MTPAP: variants seen among roughly 807,000 people sequenced by gnomAD.
MTPAP encodes the protein mitochondrial poly(A) polymerase.
In MTPAP, 23 loss-of-function variants were observed where a neutral mutation model predicts 48.7. The ratio of observed to expected loss-of-function variants is 0.47; its 90% CI spans 0.34 to 0.67. The LOEUF (loss-of-function observed/expected upper bound fraction) is 0.67. MTPAP is among the 30% of genes least tolerant of loss of function. The pLI is 0.01. For synonymous variants in MTPAP, 257 were observed against 254.1 expected, an observed-to-expected ratio of 1.01 and a Z score of -0.11; for missense variants, 614 against 694.3, an observed-to-expected ratio of 0.88 and a Z score of 1.30.
In MTPAP at chr10:30,313,640, C is replaced by G. The variant is rs771523018; in HGVS notation, c.1718G>C (p.Ser573Thr). The change falls in exon 9 of 9, where the codon AGT (serine) becomes ACT (threonine). Residue 573 changes from serine to threonine, a missense_variant. Coordinates refer to ENST00000263063, the MANE Select transcript of MTPAP (RefSeq NM_018109.4). ...GNRTENFTKTSGKRTISTQT is the reference protein window; with the variant it reads ...GNRTENFTKTTGKRTISTQT ...CTGAGTACTAATTGTTCTCTTCCCA[C>G]TGGTTTTTGTGAAATTTTCTGTTCT... The G allele has an allele frequency of 6.2e-7, 1 of 1,614,202 alleles. No homozygotes were observed. Among genetic ancestry groups the G allele is most frequent in the South Asian group, 1.1e-5 (1 of 91,086 alleles).
intron 8 of MTPAP, among the ~76,000 whole-genome samples, chr10:30,315,755 A>G (rs1209572566): frequency 6.6e-6 from 1 of 152,206 alleles, no homozygotes; most frequent in East Asian, 1.9e-4. Flanking sequence ...GGCAGATGCT[A>G]AAGAGCTGGC....
chr10:30,319,610 G>A (rs1459883789), intron 6 of MTPAP, among the ~76,000 whole-genome samples: 1 of 151,658 alleles, frequency 6.6e-6, no homozygotes, highest in Non-Finnish European at 1.5e-5. Flanking sequence ...GGATTTTGGA[G>A]GGAAAAAAAA....
rs1318771501 is a variant in MTPAP, at chr10:30,311,588, CA to C, written c.*2020del. On this transcript the variant is annotated 3_prime_UTR_variant, in exon 9 of 9. Coordinates refer to ENST00000263063, the MANE Select transcript of MTPAP (RefSeq NM_018109.4). ...TGATCTGATCATGATCCCCATTTTA[CA>C]GATCAAACAGGGGCCCCAAGAGACT... The C allele has an allele frequency of 6.6e-6, 1 of 152,206 alleles. No individual in the cohort carries two copies. The highest frequency in any genetic ancestry group is 1.5e-5 in the Non-Finnish European group (1 of 68,042). 9.4% of individuals were successfully genotyped at this position (152,206 alleles called of 1,614,324 possible).
intron 6 of MTPAP, 31 bp from the exon 7 acceptor site, chr10:30,316,241 T>A: frequency 1.1e-6 from 1 of 911,226 alleles, no homozygotes; most frequent in Non-Finnish European, 1.6e-6. Flanking sequence ...ATTTCACGTG[T>A]TTTTTTTTTT....
At chr10:30,320,302 AG>A (rs112019476) in intron 6 of MTPAP, among the ~76,000 whole-genome samples, 17,093 of 149,712 alleles carry the variant, frequency 0.11, 1,776 homozygotes, top group East Asian at 0.53. Context: ...ACAAGATGGG[AG>A]GATCCCCTGA....
chr10:30,332,447 C>A (rs1480554928), intron 4 of MTPAP, among the ~76,000 whole-genome samples: 2 of 152,050 alleles, frequency 1.3e-5, no homozygotes, highest in African/African-American at 4.8e-5. Flanking sequence ...GCTCCCACCA[C>A]CACGCCCAGC....
rs530448366 is a variant in MTPAP at position 30,315,490 on chromosome 10, A to C, written c.1386+473T>G. Among the ~76,000 whole-genome samples the C allele has an allele frequency of 6.4e-5, 9 of 140,724 alleles. No individual in the cohort carries two copies. In the South Asian group the frequency reaches 2.1e-3, roughly 33 times the overall value. The allele number at this position is 140,724 out of a possible 152,430, so 92.3% of individuals were successfully genotyped here. On this transcript the variant is annotated intron_variant, in intron 8 of 8. Transcript: ENST00000263063. ...CAGCTGCTCAGAAATCCAAATCGTA[A>C]GTTCATTTGCTCAAAAAAAAAAAAC...
intron 4 of MTPAP, among the ~76,000 whole-genome samples, chr10:30,331,635 C>T (rs967726466): frequency 6.6e-6 from 1 of 152,202 alleles, no homozygotes; most frequent in African/African-American, 2.4e-5. Context: ...GGCGCAATCT[C>T]GGCTCACTAC....
At chr10:30,345,468 T>C (rs1465655217) in intron 1 of MTPAP, among the ~76,000 whole-genome samples, 2 of 152,080 alleles carry the variant, frequency 1.3e-5, no homozygotes, top group Admixed American at 1.3e-4. Context: ...CATTTGAGAA[T>C]GAGATAGAAA....
Position 30,339,316 on chromosome 10 carries a change from G to A in MTPAP, c.555+910C>T, listed in dbSNP as rs192828563. ...AGCCTGGCCAAAGTGGCGAAACTCC[G>A]TCACTACTAAAAATACAAAAGTTAG... On this transcript the variant is annotated intron_variant, in intron 3 of 8. Coordinates refer to ENST00000263063, the MANE Select transcript of MTPAP (RefSeq NM_018109.4). Among the ~76,000 whole-genome samples, 8 of 151,950 alleles carry A rather than the reference G, an allele frequency of 5.3e-5. No homozygotes were observed. In the South Asian group the frequency reaches 6.2e-4, roughly 12 times the overall value.
intron 6 of MTPAP, among the ~76,000 whole-genome samples, chr10:30,320,290 G>C (rs1006455821): frequency 1.4e-5 from 2 of 145,010 alleles, no homozygotes; most frequent in African/African-American, 5.0e-5. Context: ...CACTTTGGGA[G>C]AACAAGATGG....
chr10:30,346,865 G>A (rs188883477), intron 1 of MTPAP, among the ~76,000 whole-genome samples: 24 of 152,186 alleles, frequency 1.6e-4, no homozygotes, highest in East Asian at 7.7e-4. Context: ...ATCGGAAGCC[G>A]CAAGCATGTG....
chr10:30,337,629 G>C (rs1588719653), intron 3 of MTPAP, among the ~76,000 whole-genome samples: 1 of 152,082 alleles, frequency 6.6e-6, no homozygotes, highest in South Asian at 2.1e-4. Flanking sequence ...TCTGAGGAAT[G>C]CCACTAGCAA....
chr10:30,337,150 C>A (rs977952360), intron 3 of MTPAP, 123 bp from the exon 4 acceptor site: 75 of 871,354 alleles, frequency 8.6e-5, no homozygotes, highest in South Asian at 6.1e-4. Context: ...CAAAGCCTGG[C>A]GCAGTGGCTC....
chr10:30,336,723 A>C (rs897033410), intron 4 of MTPAP, 80 bp downstream of exon 4: 2 of 1,124,900 alleles, frequency 1.8e-6, no homozygotes. Context: ...CAACAGTTCT[A>C]TTTTATTAAG....
At chr10:30,335,621 T>C (rs1834721541) in intron 4 of MTPAP, among the ~76,000 whole-genome samples, 2 of 151,918 alleles carry the variant, frequency 1.3e-5, no homozygotes, top group Admixed American at 1.3e-4. Flanking sequence ...AAAGAGAACA[T>C]AAATGGAAGA....
intron 6 of MTPAP, among the ~76,000 whole-genome samples, chr10:30,321,238 CTTTATTTTAT>C (rs10581540): frequency 1.3e-5 from 2 of 151,902 alleles, no homozygotes; most frequent in African/African-American, 4.8e-5. Flanking sequence ...TCAAATCTAG[CTTTATTTTAT>C]TTTATTTTAT....
chr10:30,310,686 G>C lies in MTPAP; in HGVS notation c.*2923C>G, dbSNP rs1461461678. On this transcript the variant is annotated 3_prime_UTR_variant, in exon 9 of 9. Coordinates refer to ENST00000263063, the MANE Select transcript of MTPAP (RefSeq NM_018109.4). ...AGGCTGAGACAGGTAGATCACTTGA[G>C]GTCAGGAATTCAAGACCAGCCTGGC... is the stretch of plus-strand genomic sequence containing the variant. 6.6e-6 allele frequency: 1 copy of C among 151,864 alleles called. No individual in the cohort carries two copies. The highest frequency in any genetic ancestry group is 1.9e-4 in the East Asian group (1 of 5,166). 9.4% of individuals were successfully genotyped at this position (151,864 alleles called of 1,614,324 possible).
At chr10:30,330,867 G>C (rs936936918) in intron 4 of MTPAP, among the ~76,000 whole-genome samples, 6 of 152,216 alleles carry the variant, frequency 3.9e-5, no homozygotes, top group African/African-American at 1.4e-4. Context: ...AGGTGGAGAT[G>C]AAACACTGGT....
Sources: gnomAD v4.1 joint callset for allele counts (sites outside exome capture counted in the v4.1 genomes callset) on GRCh38, gnomAD v4.1.1 for gene constraint, MANE v1.5 for transcripts, NCBI Gene and HGNC (gene_info 2026-07-23, HGNC 2026-07-21) for gene names.